Variants in GLI2 observed in about 807,000 individuals in gnomAD.
GLI2 encodes the protein transcription activator GLI2.
GLI2 carries 22 observed loss-of-function variants against 78.9 expected under a neutral mutation model. The observed-to-expected ratio is 0.28, with a 90% confidence interval of 0.20 to 0.40. The LOEUF (loss-of-function observed/expected upper bound fraction) is 0.40. Ranked by LOEUF, GLI2 falls within the 10% of genes least tolerant of loss-of-function variation. The pLI is 1.00. For synonymous variants in GLI2, 974 were observed against 963.7 expected (o/e 1.01, Z -0.20); for missense variants, 2,097 against 2,213.2 (o/e 0.95, Z 1.05).
chr2:120,750,417 G>A (rs1682831626), intron 1 of GLI2, among the ~76,000 whole-genome samples: 1 of 152,264 alleles, frequency 6.6e-6, no homozygotes, highest in Non-Finnish European at 1.5e-5. Flanking sequence ...TGTGGAGCAA[G>A]GGGCTCAGAG....
chr2:120,804,329 G>T (rs1684841562), intron 2 of GLI2, among the ~76,000 whole-genome samples: 1 of 152,130 alleles, frequency 6.6e-6, no homozygotes, highest in Non-Finnish European at 1.5e-5. Flanking sequence ...GCAGGGCATT[G>T]CTTGTTCACC....
In GLI2 at chr2:120,992,052, C is replaced by CACACACA. The variant is rs1376702919; in HGVS notation, c.*1377_*1378insACACACA. The CACACACA allele has an allele frequency of 1.0e-5, 1 of 100,388 alleles. No homozygotes were observed. Among genetic ancestry groups the CACACACA allele is most frequent in the South Asian group, 3.2e-4 (1 of 3,144 alleles). 6.2% of individuals were successfully genotyped at this position (100,388 alleles called of 1,614,324 possible). A position where few individuals can be genotyped will look rare whatever the true frequency, so the allele number is the denominator to read the frequency against. The stretch of plus-strand genomic sequence containing the variant: ...CACACACACACACACACACACACAC[C>CACACACA]CCAAACCTTTTCATGGGGAATGTGT... On this transcript the variant is annotated 3_prime_UTR_variant, in exon 14 of 14. Coordinates refer to ENST00000361492, the MANE Select transcript of GLI2 (RefSeq NM_001374353.1).
chr2:120,811,559 A>G (rs1485715175), intron 2 of GLI2, among the ~76,000 whole-genome samples: 1 of 152,154 alleles, frequency 6.6e-6, no homozygotes, highest in Non-Finnish European at 1.5e-5. Flanking sequence ...GACAGGGCAC[A>G]TGCCAGGGCA....
intron 2 of GLI2, among the ~76,000 whole-genome samples, chr2:120,847,769 C>T (rs1378654321): frequency 1.3e-5 from 2 of 149,170 alleles, no homozygotes; most frequent in Admixed American, 1.3e-4. Flanking sequence ...GGCGGGGGGG[C>T]GGTGGTTCCT....
At chr2:120,858,339 A>G (rs1687753775) in intron 2 of GLI2, among the ~76,000 whole-genome samples, 1 of 152,222 alleles carries the variant, frequency 6.6e-6, no homozygotes, top group African/African-American at 2.4e-5. Flanking sequence ...GCATGTGGCT[A>G]GTGGGTGATG....
chr2:120,917,885 A>G (rs139442949), intron 2 of GLI2, among the ~76,000 whole-genome samples: 1 of 152,330 alleles, frequency 6.6e-6, no homozygotes, highest in African/African-American at 2.4e-5. Context: ...ATGGACACAG[A>G]CACTAGGGAA....
chr2:120,829,174 C>G (rs1178498340), intron 2 of GLI2, among the ~76,000 whole-genome samples: 2 of 152,204 alleles, frequency 1.3e-5, no homozygotes, highest in African/African-American at 4.8e-5. Context: ...ACCCTTCATA[C>G]ACTTATACAC....
Position 120,986,361 on chromosome 2 carries a change from C to T in GLI2, c.1989C>T (p.Gly663=), listed in dbSNP as rs766855872. 19 of 1,613,590 alleles carry T rather than the reference C, an allele frequency of 1.2e-5. No individual in the cohort carries two copies. The African/African-American group carries it at 1.2e-4, about 10-fold the overall frequency. The change falls in exon 13 of 14, where the codon GGC becomes GGT. Residue 663 remains glycine (G), a synonymous_variant. Coordinates refer to ENST00000361492, the MANE Select transcript of GLI2 (RefSeq NM_001374353.1). ...GCAGTGCCCCCAACAATGACAGTGG[C>T]GTGGAGATGCCGGGGACGGGGCCCG... ...PLGSAPNNDS[G]VEMPGTGPGS...
chr2:120,741,750 G>A (rs1206393747), intron 1 of GLI2, among the ~76,000 whole-genome samples: 1 of 152,050 alleles, frequency 6.6e-6, no homozygotes, highest in Non-Finnish European at 1.5e-5. Context: ...CGTGCCCCGA[G>A]CGCCCCGGGC....
chr2:120,811,020 C>A (rs1685212535), intron 2 of GLI2, among the ~76,000 whole-genome samples: 1 of 152,212 alleles, frequency 6.6e-6, no homozygotes, highest in Admixed American at 6.5e-5. Flanking sequence ...GCCTGGGTCC[C>A]ATGCACCCTT....
intron 1 of GLI2, among the ~76,000 whole-genome samples, chr2:120,792,954 C>G (rs374849254): frequency 6.6e-6 from 1 of 152,200 alleles, no homozygotes; most frequent in Non-Finnish European, 1.5e-5. Flanking sequence ...CAGAAGGGAC[C>G]TTATGAGCAC....
chr2:120,746,392 A>C (rs759148700), intron 1 of GLI2, among the ~76,000 whole-genome samples: 10 of 152,172 alleles, frequency 6.6e-5, no homozygotes, highest in Admixed American at 5.2e-4. Flanking sequence ...GCACCCCCCC[A>C]GAAGCTGCCC....
intron 2 of GLI2, among the ~76,000 whole-genome samples, chr2:120,809,157 G>A (rs950625083): frequency 1.3e-5 from 2 of 152,234 alleles, no homozygotes; most frequent in Non-Finnish European, 2.9e-5. Context: ...AACGTGGTAT[G>A]TATGTACAAT....
At chr2:120,830,515 C>G (rs1343377868) in intron 2 of GLI2, among the ~76,000 whole-genome samples, 1 of 152,222 alleles carries the variant, frequency 6.6e-6, no homozygotes, top group East Asian at 1.9e-4. Flanking sequence ...CGGATGCCCA[C>G]CAGGCCCCAC....
chr2:120,905,794 C>T (rs1235536931), intron 2 of GLI2, among the ~76,000 whole-genome samples: 1 of 152,170 alleles, frequency 6.6e-6, no homozygotes, highest in Non-Finnish European at 1.5e-5. Context: ...CCCAACACAC[C>T]TTAGCTAATT....
At chr2:120,916,113 C>T (rs193139394) in intron 2 of GLI2, among the ~76,000 whole-genome samples, 1 of 152,344 alleles carries the variant, frequency 6.6e-6, no homozygotes, top group Admixed American at 6.5e-5. Flanking sequence ...TCACTGGGAA[C>T]CTGTTAGACA....
chr2:120,986,418 C>T lies in GLI2; in HGVS notation c.2046C>T (p.Asp682=), dbSNP rs1021836303. 6 of 1,613,856 alleles carry T rather than the reference C, an allele frequency of 3.7e-6. No homozygotes were observed. Among genetic ancestry groups the T allele is most frequent in the Middle Eastern group, 3.3e-4 (2 of 6,062 alleles). Residue 682 remains aspartate, a synonymous_variant, in exon 13 of 14, where the codon GAC becomes GAT. Transcript: ENST00000361492. ...TGGGAGACCTGACGGCACTGGATGA[C>T]ACACCCCCAGGGGCCGACACCTCAG... ...GSLGDLTALD[D]TPPGADTSAL...
intron 1 of GLI2, among the ~76,000 whole-genome samples, chr2:120,756,248 A>C (rs1683029331): frequency 1.3e-5 from 2 of 152,142 alleles, no homozygotes; most frequent in Non-Finnish European, 1.5e-5. Context: ...ATATTCTCCT[A>C]GCAATGTTTT....
chr2:120,971,624 G>A (rs1476944767), intron 7 of GLI2, among the ~76,000 whole-genome samples: 1 of 152,236 alleles, frequency 6.6e-6, no homozygotes, highest in Admixed American at 6.5e-5. Context: ...CTGGAGGGCT[G>A]AGAAGTTGAG....
Sources: gnomAD v4.1 joint callset for allele counts (sites outside exome capture counted in the v4.1 genomes callset) on GRCh38, gnomAD v4.1.1 for gene constraint, MANE v1.5 for transcripts, NCBI Gene and HGNC (gene_info 2026-07-23, HGNC 2026-07-21) for gene names.